The following TENM3 variants were observed in gnomAD, a reference collection of about 807,000 sequenced individuals.
TENM3 encodes the protein teneurin-3.
Under a neutral mutation model 255.1 loss-of-function variants are expected in TENM3, and 63 were observed. That is an observed-to-expected ratio of 0.25 (90% CI 0.20 to 0.30). TENM3 has a LOEUF of 0.30. Among genes scored for constraint, TENM3 ranks in the 10% least tolerant of loss-of-function variants. The pLI is 1.00. For synonymous variants in TENM3, 1,306 were observed against 1,322.3 expected, an observed-to-expected ratio of 0.99 and a Z score of 0.27; for missense variants, 2,929 against 3,461.1, an observed-to-expected ratio of 0.85 and a Z score of 3.86.
At chr4:182,015,624 G>A in the TENM3 span, among the ~76,000 whole-genome samples, 796 of 151,528 alleles carry the variant, frequency 5.3e-3, 7 homozygotes, top group Non-Finnish European at 8.0e-3. Flanking sequence ...GCAGTGGTGC[G>A]ATCTTGGCTC....
chr4:181,695,440 A>G, the TENM3 span, among the ~76,000 whole-genome samples: 2 of 152,198 alleles, frequency 1.3e-5, no homozygotes, highest in African/African-American at 2.4e-5. Flanking sequence ...TAATTACTGT[A>G]TATTTAAATA....
At chr4:181,669,604 C>G in the TENM3 span, among the ~76,000 whole-genome samples, 144 of 152,264 alleles carry the variant, frequency 9.5e-4, no homozygotes, top group African/African-American at 3.2e-3. Flanking sequence ...TTACCCCATT[C>G]TGACTTGAGA....
the TENM3 span, among the ~76,000 whole-genome samples, chr4:182,057,408 CTTT>C: frequency 1.7e-4 from 23 of 132,520 alleles, no homozygotes; most frequent in African/African-American, 6.0e-4. Context: ...CTTTTCTTTT[CTTT>C]TTTTTTTTTT....
At chr4:181,693,929 G>T in the TENM3 span, among the ~76,000 whole-genome samples, 1 of 152,168 alleles carries the variant, frequency 6.6e-6, no homozygotes, top group Non-Finnish European at 1.5e-5. Flanking sequence ...AGATCTTTTG[G>T]GGGTGATCAG....
chr4:181,986,509 T>C, the TENM3 span, among the ~76,000 whole-genome samples: 4 of 152,098 alleles, frequency 2.6e-5, no homozygotes, highest in Non-Finnish European at 5.9e-5. Flanking sequence ...AACATCCTCA[T>C]ATCCAAGTCT....
chr4:181,549,134 G>C, the TENM3 span, among the ~76,000 whole-genome samples: 1 of 151,952 alleles, frequency 6.6e-6, no homozygotes, highest in African/African-American at 2.4e-5. Context: ...CTTCATCTCC[G>C]CCCTCACCCC....
intron 3 of TENM3, chr4:182,448,860 C>T (rs560399972): frequency 1.7e-3 from 332 of 190,024 alleles, no homozygotes; most frequent in African/African-American, 7.6e-3. Context: ...GGGCGCGGGG[C>T]TGGCGGGAGG....
chr4:182,294,605 C>T (rs1040168370), intron 1 of TENM3, among the ~76,000 whole-genome samples: 3 of 152,122 alleles, frequency 2.0e-5, no homozygotes, highest in African/African-American at 4.8e-5. Context: ...TTTTGTTTCC[C>T]AGTGCCTGTG....
Position 182,387,963 on chromosome 4 carries a change from C to G in TENM3, c.511+41034C>G, listed in dbSNP as rs980990207. Among the ~76,000 whole-genome samples the G allele has an allele frequency of 3.4e-5, 5 of 148,050 alleles. No individual in the cohort carries two copies. The South Asian group carries it at 8.5e-4, about 25-fold the overall frequency. ...AAAAAAAAAAAAAAAAACCAACAAA[C>G]GAAACCAGCCATTCAGTCTTGCTTT... On this transcript the variant is annotated intron_variant, in intron 3 of 27. Transcript: ENST00000511685.
At chr4:182,233,360 C>T (rs1179350896) in intron 1 of TENM3, among the ~76,000 whole-genome samples, 1 of 152,210 alleles carries the variant, frequency 6.6e-6, no homozygotes, top group South Asian at 2.1e-4. Flanking sequence ...ACCCTGTGTG[C>T]ATTAGGGGTT....
intron 3 of TENM3, among the ~76,000 whole-genome samples, chr4:182,541,532 C>G (rs1336895658): frequency 6.6e-6 from 1 of 152,122 alleles, no homozygotes; most frequent in African/African-American, 2.4e-5. Flanking sequence ...ATGAGAACTT[C>G]TATTGAATCC....
At position 182,792,256 on chromosome 4, in the gene TENM3, TA is replaced by T; in HGVS notation, c.5602-17del. 1.2e-6 allele frequency: 2 copies of T among 1,602,228 alleles called. No individual in the cohort carries two copies. Among genetic ancestry groups the T allele is most frequent in the African/African-American group, 2.7e-5 (2 of 74,846 alleles). Reference sequence around the variant, plus strand: ...CCCGTTCACAAACACTGAGTAACAGTATGTTCTCTCTTTACAGTCCATGGTT... The same window carrying T: ...CCCGTTCACAAACACTGAGTAACAGTTGTTCTCTCTTTACAGTCCATGGTT... On this transcript the variant is annotated splice_polypyrimidine_tract_variant and intron_variant, in intron 25 of 27. Coordinates refer to ENST00000511685, the MANE Select transcript of TENM3 (RefSeq NM_001080477.4). The surrounding 1 kb of genome is among the most constrained non-coding windows in gnomAD (Gnocchi z 6.3).
intron 1 of TENM3, among the ~76,000 whole-genome samples, chr4:182,282,274 T>G (rs1760435626): frequency 6.6e-6 from 1 of 152,322 alleles, no homozygotes; most frequent in Middle Eastern, 3.4e-3. Flanking sequence ...GATGGGCATC[T>G]TCAAGGTAAT....
At chr4:182,051,768 C>G in the TENM3 span, among the ~76,000 whole-genome samples, 1 of 152,166 alleles carries the variant, frequency 6.6e-6, no homozygotes, top group Non-Finnish European at 1.5e-5. Flanking sequence ...ATAGTTATAG[C>G]AAGGTTGCCC....
At chr4:182,172,068 G>A (rs985691011) in intron 1 of TENM3, among the ~76,000 whole-genome samples, 5 of 150,874 alleles carry the variant, frequency 3.3e-5, no homozygotes, top group African/African-American at 9.8e-5. Context: ...AATATTAACC[G>A]AGACATCTAA....
At chr4:182,523,770 G>T (rs1209632280) in intron 3 of TENM3, among the ~76,000 whole-genome samples, 1 of 152,086 alleles carries the variant, frequency 6.6e-6, no homozygotes, top group Non-Finnish European at 1.5e-5. Context: ...AGCATACCTG[G>T]ATTGGAAGGG....
the TENM3 span, among the ~76,000 whole-genome samples, chr4:181,915,605 A>G: frequency 6.8e-6 from 1 of 146,768 alleles, no homozygotes; most frequent in Non-Finnish European, 1.5e-5. Flanking sequence ...AAGGCAGGAT[A>G]GGCATTCCAT....
chr4:182,344,993 GC>G lies in TENM3; in HGVS notation c.233-1657del, dbSNP rs1340631994. Among the ~76,000 whole-genome samples, 4 of 152,130 alleles carry G rather than the reference GC, an allele frequency of 2.6e-5. No individual in the cohort carries two copies. In the East Asian group the frequency reaches 7.7e-4, roughly 29 times the overall value. ...CCTTCTCACTGTTCAACGCACAGGC[GC>G]TTTTTCCTTTTTTTCTCTTCTTTTA... On this transcript the variant is annotated intron_variant, in intron 2 of 27. Coordinates refer to ENST00000511685, the MANE Select transcript of TENM3 (RefSeq NM_001080477.4).
At chr4:182,613,678 G>A (rs1325641103) in intron 4 of TENM3, among the ~76,000 whole-genome samples, 1 of 152,104 alleles carries the variant, frequency 6.6e-6, no homozygotes, top group Non-Finnish European at 1.5e-5. Flanking sequence ...TTCAGAGCTT[G>A]GTTAACACAC....
Sources: allele counts gnomAD v4.1 joint callset (sites outside exome capture counted in the v4.1 genomes callset), GRCh38; gene constraint gnomAD v4.1.1; non-coding constraint Gnocchi (gnomAD v3.1); transcripts MANE v1.5; gene names NCBI Gene and HGNC (gene_info 2026-07-23, HGNC 2026-07-21).